Variants in IRAK1BP1 observed in about 807,000 individuals in gnomAD.
IRAK1BP1 encodes interleukin 1 receptor associated kinase 1 binding protein 1.
In IRAK1BP1, 24 loss-of-function variants were observed where a neutral mutation model predicts 28.0. The ratio of observed to expected loss-of-function variants is 0.86; its 90% confidence interval spans 0.62 to 1.20. The LOEUF is 1.20. Among genes scored for constraint, IRAK1BP1 ranks in the 50% most tolerant of loss-of-function variants. IRAK1BP1 has a pLI of 0.00. For missense variants in IRAK1BP1, 336 were observed against 316.7 expected (o/e 1.06, Z -0.46); for synonymous variants, 131 against 116.3 (o/e 1.13, Z -0.81).
At chr6:78,906,647 T>C (rs1327868509), downstream of IRAK1BP1, among the ~76,000 whole-genome samples, 1 of 152,084 alleles carries the variant, frequency 6.6e-6, no homozygotes, top group Non-Finnish European at 1.5e-5. Context: ...AAGAAAATGA[T>C]TAGGGAGGAT....
At chr6:78,938,067 A>G (rs1773339265) in intron 4 of IRAK1BP1, 1 of 151,748 alleles carries the variant, frequency 6.6e-6, no homozygotes. Context: ...CCCAAGTGGT[A>G]AAGAAAACAA....
chr6:78,874,759 A>G (rs911095538), intron 1 of IRAK1BP1, among the ~76,000 whole-genome samples: 2 of 152,172 alleles, frequency 1.3e-5, no homozygotes, highest in African/African-American at 2.4e-5. Context: ...GTCCCAGTCC[A>G]TTTATTTAAA....
chr6:78,953,895 T>C, the IRAK1BP1 span, among the ~76,000 whole-genome samples: 1 of 152,100 alleles, frequency 6.6e-6, no homozygotes. Context: ...CCCTGAACTA[T>C]ATAACATTTA....
At chr6:78,957,363 A>C in the IRAK1BP1 span, 1 of 151,986 alleles carries the variant, frequency 6.6e-6, no homozygotes, top group Admixed American at 6.5e-5. Flanking sequence ...AATTTCAATA[A>C]GGAAAACAAA....
At chr6:78,908,781 G>A (rs1772327282) in intron 4 of IRAK1BP1, among the ~76,000 whole-genome samples, 1 of 152,172 alleles carries the variant, frequency 6.6e-6, no homozygotes, top group Admixed American at 6.5e-5. Context: ...ACCCTCAGCT[G>A]ACTCTTCACC....
intron 4 of IRAK1BP1, among the ~76,000 whole-genome samples, chr6:78,929,761 T>C (rs1305710939): frequency 6.6e-6 from 1 of 152,240 alleles, no homozygotes; most frequent in Non-Finnish European, 1.5e-5. Context: ...TTTAATTTGT[T>C]AAGTGAACAT....
downstream of IRAK1BP1, among the ~76,000 whole-genome samples, chr6:78,948,486 C>T (rs1430597022): frequency 6.6e-6 from 1 of 151,852 alleles, no homozygotes; most frequent in Non-Finnish European, 1.5e-5. Context: ...TTAGCAGGGA[C>T]AAAGAGTATT....
intron 4 of IRAK1BP1, among the ~76,000 whole-genome samples, chr6:78,909,531 C>T (rs1160205124): frequency 6.6e-6 from 1 of 152,158 alleles, no homozygotes; most frequent in South Asian, 2.1e-4. Context: ...GATTCCAAGC[C>T]GAAAAGCTGG....
At chr6:78,872,193 A>C in intron 1 of IRAK1BP1, 3 of 683,550 alleles carry the variant, frequency 4.4e-6, no homozygotes, top group Non-Finnish European at 8.0e-6. Flanking sequence ...TGAGCTGACC[A>C]CAGCGGTAAT....
the IRAK1BP1 span, among the ~76,000 whole-genome samples, chr6:78,972,782 T>A: frequency 6.6e-6 from 1 of 151,678 alleles, no homozygotes; most frequent in East Asian, 1.9e-4. Context: ...GTATCAGCAA[T>A]GGAAGATGAA....
the IRAK1BP1 span, chr6:78,970,287 G>T: frequency 2.8e-3 from 2,211 of 803,170 alleles, 18 homozygotes; most frequent in Non-Finnish European, 2.1e-3. Flanking sequence ...GGATGGTGAT[G>T]ACTGTGTACA....
rs556718775 is a variant in IRAK1BP1, at chr6:78,872,027, C to T, written c.315+4136C>T. The T allele has an allele frequency of 8.1e-5, 53 of 653,714 alleles. 1 individual carries two copies. In the South Asian group the frequency reaches 9.0e-4, roughly 11 times the overall value. 40.5% of individuals were successfully genotyped at this position (653,714 alleles called of 1,614,324 possible). On this transcript the variant is annotated intron_variant, in intron 1 of 3. Transcript: ENST00000369940. Reference sequence around the variant, plus strand: ...GCCAGGGAATTAAAGTCCTCTCCCCCAGCCCCAGCAGCCTTCATCTGAAGG... The same window carrying T: ...GCCAGGGAATTAAAGTCCTCTCCCCTAGCCCCAGCAGCCTTCATCTGAAGG...
At chr6:78,918,999 A>G (rs1043735456) in intron 4 of IRAK1BP1, among the ~76,000 whole-genome samples, 1 of 152,212 alleles carries the variant, frequency 6.6e-6, no homozygotes, top group African/African-American at 2.4e-5. Context: ...CATACCAAAC[A>G]TACTCTATGA....
At chr6:78,943,117 A>G (rs148692753) in intron 4 of IRAK1BP1, among the ~76,000 whole-genome samples, 30 of 152,302 alleles carry the variant, frequency 2.0e-4, no homozygotes, top group African/African-American at 6.0e-4. Context: ...TGGGATAAAT[A>G]AAATATTATT....
In IRAK1BP1 at chr6:78,925,779, G is replaced by A. The variant is rs925669379; in HGVS notation, c.*68-19629G>A. The stretch of plus-strand genomic sequence containing the variant: ...GCAGTATTCATAATAGGAAAAAGAT[G>A]GAATCAACCTAGATGCCCATCACTG... On this transcript the variant is annotated intron_variant and NMD_transcript_variant, in intron 4 of 4. Coordinates refer to the IRAK1BP1 transcript ENST00000606868. Among the ~76,000 whole-genome samples the A allele has an allele frequency of 3.9e-5, 6 of 152,066 alleles. No homozygotes were observed. The South Asian group carries it at 1.0e-3, about 26-fold the overall frequency.
exon 5 of IRAK1BP1, chr6:78,945,597 C>G (rs1773769437): frequency 1.3e-6 from 1 of 743,762 alleles, no homozygotes; most frequent in African/African-American, 1.8e-5. Flanking sequence ...GACAACAAAA[C>G]CTGAAGGATG....
chr6:78,894,604 A>C (rs574855821), intron 2 of IRAK1BP1, among the ~76,000 whole-genome samples: 3 of 152,188 alleles, frequency 2.0e-5, no homozygotes, highest in Non-Finnish European at 4.4e-5. Context: ...AAAATAAATA[A>C]GTCTACAACT....
At chr6:78,919,342 A>G (rs1772656223) in intron 4 of IRAK1BP1, among the ~76,000 whole-genome samples, 1 of 152,190 alleles carries the variant, frequency 6.6e-6, no homozygotes, top group Non-Finnish European at 1.5e-5. Flanking sequence ...AATAACTAAA[A>G]TCAAAGCAGA....
At chr6:78,947,210 G>C (rs139606585), downstream of IRAK1BP1, among the ~76,000 whole-genome samples, 38 of 152,244 alleles carry the variant, frequency 2.5e-4, no homozygotes, top group African/African-American at 6.7e-4. Context: ...TCTAGGACTA[G>C]CATCTATTCT....
Sources: gnomAD v4.1 joint callset for allele counts (sites outside exome capture counted in the v4.1 genomes callset) on GRCh38, gnomAD v4.1.1 for gene constraint, MANE v1.5 for transcripts, NCBI Gene and HGNC (gene_info 2026-07-23, HGNC 2026-07-21) for gene names.